LMO7: variants seen among roughly 807,000 people sequenced by gnomAD.
LMO7 encodes the protein LIM domain 7, also known as LIM domain only protein 7.
LMO7 carries 120 observed loss-of-function variants against 206.5 expected under a neutral mutation model. That is an observed-to-expected ratio of 0.58 (90% CI 0.50 to 0.68). The LOEUF is 0.68. LMO7 is among the 30% of genes least tolerant of loss of function. The pLI, the probability that LMO7 is intolerant of heterozygous loss-of-function variation, is 0.00. For missense variants in LMO7, 1,959 were observed against 1,957.9 expected, an observed-to-expected ratio of 1.00 and a Z score of -0.01; for synonymous variants, 706 against 681.5, an observed-to-expected ratio of 1.04 and a Z score of -0.56.
intron 1 of LMO7, among the ~76,000 whole-genome samples, chr13:75,668,730 T>C (rs2039287689): frequency 6.6e-6 from 1 of 152,204 alleles, no homozygotes; most frequent in East Asian, 1.9e-4. Context: ...TGGGAGCTAC[T>C]TGACCATCCC....
chr13:75,721,699 TTCTTTATCCACTCATTGATTG>T (rs2044031392), intron 2 of LMO7, among the ~76,000 whole-genome samples: 1 of 152,228 alleles, frequency 6.6e-6, no homozygotes, highest in Non-Finnish European at 1.5e-5. Flanking sequence ...ACACCACATT[TTCTTTATCCACTCATTGATTG>T]ATGGGCATTT....
chr13:75,776,932 C>T (rs758283750), intron 4 of LMO7, among the ~76,000 whole-genome samples: 2 of 152,160 alleles, frequency 1.3e-5, no homozygotes, highest in Non-Finnish European at 2.9e-5. Context: ...AGGTAAAAAT[C>T]AGAATACCAG....
chr13:75,756,645 G>A (rs924785511), intron 3 of LMO7, among the ~76,000 whole-genome samples: 7 of 152,150 alleles, frequency 4.6e-5, no homozygotes, highest in African/African-American at 1.7e-4. Flanking sequence ...CTCTGACCTA[G>A]AGTGTCTATA....
chr13:75,725,266 A>C (rs534265433), intron 2 of LMO7, among the ~76,000 whole-genome samples: 3 of 152,238 alleles, frequency 2.0e-5, no homozygotes, highest in Admixed American at 2.0e-4. Context: ...GGTGGAGCAG[A>C]AATTTATGAT....
intron 3 of LMO7, among the ~76,000 whole-genome samples, chr13:75,746,763 C>CT (rs770902599): frequency 1.3e-4 from 19 of 151,976 alleles, no homozygotes; most frequent in Non-Finnish European, 2.8e-4. Context: ...CTTCAGGCAT[C>CT]TTTTTTTAAT....
intron 1 of LMO7, among the ~76,000 whole-genome samples, chr13:75,638,854 G>C (rs1183388716): frequency 6.6e-6 from 1 of 151,974 alleles, no homozygotes; most frequent in Non-Finnish European, 1.5e-5. Flanking sequence ...CTAATCTGAA[G>C]ATAAAAGGTT....
chr13:75,823,926 A>C (rs1438647669), intron 15 of LMO7, 53 bp downstream of exon 15: 1 of 1,447,400 alleles, frequency 6.9e-7, no homozygotes, highest in Admixed American at 1.8e-5. Context: ...TACACATTTA[A>C]ATCTGGAAAC....
chr13:75,750,377 C>CTTTTTT (rs34407423), intron 3 of LMO7, among the ~76,000 whole-genome samples: 1 of 93,380 alleles, frequency 1.1e-5, no homozygotes, highest in African/African-American at 4.2e-5. Flanking sequence ...CTGGGGGATC[C>CTTTTTT]TTTTTTTTTT....
intron 1 of LMO7, among the ~76,000 whole-genome samples, chr13:75,706,778 T>A (rs2042691281): frequency 6.6e-6 from 1 of 152,146 alleles, no homozygotes; most frequent in South Asian, 2.1e-4. Flanking sequence ...CTAAATAGAT[T>A]GAAGATAATT....
At chr13:75,674,969 G>A (rs1486220549) in intron 1 of LMO7, among the ~76,000 whole-genome samples, 1 of 152,138 alleles carries the variant, frequency 6.6e-6, no homozygotes, top group African/African-American at 2.4e-5. Context: ...CTTGTAGTGA[G>A]CATATTGTTT....
chr13:75,731,355 G>C (rs1376550633), intron 3 of LMO7, among the ~76,000 whole-genome samples: 3 of 152,144 alleles, frequency 2.0e-5, no homozygotes, highest in Non-Finnish European at 4.4e-5. Context: ...AGCTCTTCTT[G>C]TTGAATTGAT....
In LMO7 at chr13:75,807,388, C is replaced by A. The variant is rs1366269894; in HGVS notation, c.1197-92C>A. 5 of 1,344,246 alleles carry A rather than the reference C, an allele frequency of 3.7e-6. No homozygotes were observed. The East Asian group carries it at 1.2e-4, about 33-fold the overall frequency. The allele number at this position is 1,344,246 out of a possible 1,614,324, so 83.3% of individuals were successfully genotyped here. A position where few individuals can be genotyped will look rare whatever the true frequency, so the allele number is the denominator to read the frequency against. On this transcript the variant is annotated intron_variant, in intron 9 of 30. Coordinates refer to ENST00000377534, the MANE Select transcript of LMO7 (RefSeq NM_001306080.2). ...TACCCTCAGTAACTGGCTAGTTGGT[C>A]TGCTAATCACCTTTGGCTAGTCGAT...
At chr13:75,646,396 G>A (rs963136466) in intron 1 of LMO7, among the ~76,000 whole-genome samples, 3 of 152,056 alleles carry the variant, frequency 2.0e-5, no homozygotes, top group African/African-American at 7.2e-5. Context: ...CCGACTCTGC[G>A]CCCTCCTCCC....
At chr13:75,753,938 C>A (rs2047472503) in intron 3 of LMO7, among the ~76,000 whole-genome samples, 1 of 152,108 alleles carries the variant, frequency 6.6e-6, no homozygotes, top group South Asian at 2.1e-4. Flanking sequence ...ACTAAAATCC[C>A]AGGCTTCAGC....
intron 1 of LMO7, among the ~76,000 whole-genome samples, chr13:75,643,900 T>A (rs2036785583): frequency 6.6e-6 from 1 of 152,214 alleles, no homozygotes; most frequent in African/African-American, 2.4e-5. Context: ...CTCAGTTTGG[T>A]GCTTGAGTGC....
intron 4 of LMO7, among the ~76,000 whole-genome samples, chr13:75,779,806 T>TG (rs1371999400): frequency 6.6e-6 from 1 of 152,204 alleles, no homozygotes; most frequent in Non-Finnish European, 1.5e-5. Flanking sequence ...TTATGATTTA[T>TG]GTTTTTATTG....
intron 9 of LMO7, chr13:75,806,630 G>C (rs565372800): frequency 1.1e-4 from 17 of 152,300 alleles, no homozygotes; most frequent in African/African-American, 3.8e-4. Flanking sequence ...GACTGGGAAG[G>C]GCAAGTCTAG....
chr13:75,820,913 C>G (rs1273571198), intron 13 of LMO7, among the ~76,000 whole-genome samples: 1 of 151,564 alleles, frequency 6.6e-6, no homozygotes, highest in East Asian at 1.9e-4. Context: ...AGGAGAATTG[C>G]TTGAATGCGG....
At chr13:75,828,864 A>C (rs986270786) in intron 15 of LMO7, among the ~76,000 whole-genome samples, 2 of 152,064 alleles carry the variant, frequency 1.3e-5, no homozygotes, top group Non-Finnish European at 1.5e-5. Context: ...TGTAAAATGC[A>C]AGTGTGTAGG....
Sources: gnomAD v4.1 joint callset for allele counts (sites outside exome capture counted in the v4.1 genomes callset) on GRCh38, gnomAD v4.1.1 for gene constraint, MANE v1.5 for transcripts, NCBI Gene and HGNC (gene_info 2026-07-23, HGNC 2026-07-21) for gene names.